Variants in DHRSX observed in about 807,000 individuals in gnomAD.
The protein encoded by DHRSX is dehydrogenase/reductase X-linked, also known as polyprenol dehydrogenase.
DHRSX carries 31 observed loss-of-function variants against 34.0 expected under a neutral mutation model. The ratio of observed to expected loss-of-function variants is 0.91; its 90% CI spans 0.69 to 1.23. The LOEUF (loss-of-function observed/expected upper bound fraction) is 1.23, where lower values mean the gene tolerates loss of function less well. Among genes scored for constraint, DHRSX ranks in the 50% most tolerant of loss-of-function variants. The pLI is 0.00. For synonymous variants in DHRSX, 201 were observed against 183.8 expected, an observed-to-expected ratio of 1.09 and a Z score of -0.76; for missense variants, 414 against 428.1, an observed-to-expected ratio of 0.97 and a Z score of 0.29.
At chrX:2,363,617 T>C (rs750360960) in intron 3 of DHRSX, among the ~76,000 whole-genome samples, 8 of 148,944 alleles carry the variant, frequency 5.4e-5, no homozygotes, top group Non-Finnish European at 1.0e-4. Flanking sequence ...GCCTCCATTT[T>C]ATCACTGTTC....
chrX:2,371,588 C>T lies in DHRSX; in HGVS notation c.286+37157G>A, dbSNP rs868311459. Reference sequence around the variant, plus strand: ...TCCTTCCATTACCATAGTACCTCCTCCCATTAGCAGAGTCCCTCCTTCTGT... The same window carrying T: ...TCCTTCCATTACCATAGTACCTCCTTCCATTAGCAGAGTCCCTCCTTCTGT... On this transcript the variant is annotated intron_variant, in intron 3 of 6. Coordinates refer to ENST00000334651, the MANE Select transcript of DHRSX (RefSeq NM_145177.3). Among the ~76,000 whole-genome samples, 443 of 106,270 alleles carry T rather than the reference C, an allele frequency of 4.2e-3. 5 individuals are homozygous for T. The highest frequency in any genetic ancestry group is 0.015 in the African/African-American group (402 of 26,814). 69.7% of individuals were successfully genotyped at this position (106,270 alleles called of 152,430 possible).
chrX:2,357,779 T>C (rs2042875429), intron 3 of DHRSX, among the ~76,000 whole-genome samples: 1 of 150,950 alleles, frequency 6.6e-6, no homozygotes, highest in East Asian at 1.9e-4. Context: ...TACAGCAAGC[T>C]AAGATTTCCA....
intron 6 of DHRSX, among the ~76,000 whole-genome samples, chrX:2,235,819 A>C (rs2016000646): frequency 6.7e-6 from 1 of 149,030 alleles, no homozygotes; most frequent in South Asian, 2.1e-4. Flanking sequence ...CAAATCAATA[A>C]ATACATAAGC....
Position 2,246,748 on chromosome X carries a change from G to GAAAGAAAGAAAGAAAGAA in DHRSX, c.597-3519_597-3518insTTCTTTCTTTCTTTCTTT, listed in dbSNP as rs776138629. On this transcript the variant is annotated intron_variant, in intron 5 of 6. Transcript: ENST00000334651. The stretch of plus-strand genomic sequence containing the variant: ...AGAAAGAAAGAAAGAAAGAAAGAAA[G>GAAAGAAAGAAAGAAAGAA]AAAAAGAAAGAAAATAAAAGAATAG... Among the ~76,000 whole-genome samples, 1,021 of 103,590 alleles carry GAAAGAAAGAAAGAAAGAA rather than the reference G, an allele frequency of 9.9e-3. 11 individuals carry two copies. Among genetic ancestry groups the GAAAGAAAGAAAGAAAGAA allele is most frequent in the Middle Eastern group, 0.025 (5 of 202 alleles). 68.0% of individuals were successfully genotyped at this position (103,590 alleles called of 152,430 possible). A position where few individuals can be genotyped will look rare whatever the true frequency, so the allele number is the denominator to read the frequency against.
intron 1 of DHRSX, among the ~76,000 whole-genome samples, chrX:2,465,631 G>A (rs1386603069): frequency 2.0e-5 from 3 of 149,162 alleles, no homozygotes; most frequent in Non-Finnish European, 4.4e-5. Context: ...GTGAAACCCC[G>A]TCTCTACTAA....
intron 3 of DHRSX, among the ~76,000 whole-genome samples, chrX:2,369,358 C>T (rs1161616954): frequency 6.6e-6 from 1 of 152,184 alleles, no homozygotes; most frequent in Non-Finnish European, 1.5e-5. Flanking sequence ...CAAATGAACT[C>T]TGATTTTGAA....
At chrX:2,469,129 A>C (rs1439256763) in intron 1 of DHRSX, among the ~76,000 whole-genome samples, 2 of 150,318 alleles carry the variant, frequency 1.3e-5, no homozygotes, top group Non-Finnish European at 3.0e-5. Context: ...GTTCCCTAAC[A>C]ATGCGCCCAA....
chrX:2,433,797 TG>T (rs1218999184), intron 1 of DHRSX, among the ~76,000 whole-genome samples: 3 of 152,134 alleles, frequency 2.0e-5, no homozygotes, highest in Non-Finnish European at 4.4e-5. Context: ...TTTTTTGAGA[TG>T]GAGTCTCGCT....
At chrX:2,490,867 C>A (rs2045119083) in intron 1 of DHRSX, 1 of 1,170,326 alleles carries the variant, frequency 8.5e-7, no homozygotes, top group African/African-American at 1.5e-5. Flanking sequence ...GGCAGCTCCG[C>A]TTTCAACCAA....
chrX:2,248,871 C>A (rs754272355), intron 5 of DHRSX, among the ~76,000 whole-genome samples: 1 of 152,156 alleles, frequency 6.6e-6, no homozygotes, highest in Non-Finnish European at 1.5e-5. Flanking sequence ...TTCGTTCAGA[C>A]GTCGTTGAAC....
At chrX:2,251,267 T>C (rs182146777) in intron 5 of DHRSX, among the ~76,000 whole-genome samples, 1 of 152,326 alleles carries the variant, frequency 6.6e-6, no homozygotes, top group African/African-American at 2.4e-5. Context: ...TGTGCTAACA[T>C]TCCTAAATAT....
chrX:2,274,720 C>T (rs763830794), intron 4 of DHRSX, among the ~76,000 whole-genome samples: 14 of 152,014 alleles, frequency 9.2e-5, no homozygotes, highest in East Asian at 1.9e-4. Context: ...TGTGAGCCAC[C>T]GCGCCCGGCC....
At chrX:2,444,744 A>G (rs1164770227) in intron 1 of DHRSX, among the ~76,000 whole-genome samples, 2 of 151,952 alleles carry the variant, frequency 1.3e-5, no homozygotes, top group South Asian at 4.2e-4. Context: ...CTGAGGTGGG[A>G]GCATGGCTTG....
chrX:2,266,561 C>T (rs1243202140), intron 5 of DHRSX, among the ~76,000 whole-genome samples, 179 bp downstream of exon 5: 11 of 150,568 alleles, frequency 7.3e-5, no homozygotes, highest in Non-Finnish European at 7.4e-5. Context: ...CACCAGTGTC[C>T]GGCAGATGCA....
At chrX:2,439,986 C>T (rs1179738616) in intron 1 of DHRSX, among the ~76,000 whole-genome samples, 3 of 152,066 alleles carry the variant, frequency 2.0e-5, no homozygotes, top group Non-Finnish European at 4.4e-5. Context: ...AATGGGTCCA[C>T]GGATGCCCTG....
Position 2,304,155 on chromosome X carries a change from G to GGATGGATGAACT in DHRSX, c.287-12553_287-12552insAGTTCATCCATC, listed in dbSNP as rs1366478235. ...TGGATGGATGAATGGATGGATGGATGGATGGATGGATGAACTGATGGATGG... is the reference window on the plus strand; with the variant it reads ...TGGATGGATGAATGGATGGATGGATGGATGGATGAACTGATGGATGGATGAACTGATGGATGG... On this transcript the variant is annotated intron_variant, in intron 3 of 6. Coordinates refer to ENST00000334651, the MANE Select transcript of DHRSX (RefSeq NM_145177.3). Among the ~76,000 whole-genome samples, 69 of 147,074 alleles carry GGATGGATGAACT rather than the reference G, an allele frequency of 4.7e-4. 2 individuals are homozygous for GGATGGATGAACT. The highest frequency in any genetic ancestry group is 1.7e-3 in the African/African-American group (68 of 39,402).
intron 5 of DHRSX, among the ~76,000 whole-genome samples, chrX:2,249,513 C>CTTTTTTTTTTT (rs753035485): frequency 2.0e-4 from 14 of 70,192 alleles, no homozygotes; most frequent in African/African-American, 4.3e-4. Flanking sequence ...CTTTTTGTGC[C>CTTTTTTTTTTT]TTTTTTTTTT....
intron 1 of DHRSX, among the ~76,000 whole-genome samples, chrX:2,483,383 C>T (rs1300313561): frequency 6.6e-6 from 1 of 152,142 alleles, no homozygotes; most frequent in East Asian, 1.9e-4. Flanking sequence ...CCCACCTTCG[C>T]CTCCTGAGTA....
At chrX:2,402,519 C>G (rs1419018952) in intron 3 of DHRSX, among the ~76,000 whole-genome samples, 1 of 152,182 alleles carries the variant, frequency 6.6e-6, no homozygotes, top group Admixed American at 6.5e-5. Flanking sequence ...GACCACGGAT[C>G]TGGGGGCTCC....
Sources: gnomAD v4.1 joint callset for allele counts (sites outside exome capture counted in the v4.1 genomes callset) on GRCh38, gnomAD v4.1.1 for gene constraint, MANE v1.5 for transcripts, NCBI Gene and HGNC (gene_info 2026-07-23, HGNC 2026-07-21) for gene names.